The following MLLT6 variants were observed in gnomAD, a reference collection of about 807,000 sequenced individuals.
The protein encoded by MLLT6 is MLLT6, PHD finger containing.
In MLLT6, 22 loss-of-function variants were observed where a neutral mutation model predicts 103.0. The ratio of observed to expected loss-of-function variants is 0.21; its 90% CI spans 0.15 to 0.31. The LOEUF is 0.31. Among genes scored for constraint, MLLT6 ranks in the 10% least tolerant of loss-of-function variants. The pLI, the probability that MLLT6 is intolerant of heterozygous loss-of-function variation, is 1.00. For synonymous variants in MLLT6, 606 were observed against 623.5 expected (o/e 0.97, Z 0.42); for missense variants, 1,199 against 1,441.7 (o/e 0.83, Z 2.73).
At chr17:38,717,134 C>T (rs1451865052) in intron 10 of MLLT6, among the ~76,000 whole-genome samples, 153 bp downstream of exon 10, 3 of 152,220 alleles carry the variant, frequency 2.0e-5, no homozygotes, top group Non-Finnish European at 4.4e-5. Context: ...TCCCCCTCTG[C>T]ATGCGTGGAG....
At position 38,725,839 on chromosome 17, in the gene MLLT6, A is replaced by T. The variant is rs148900184; in HGVS notation, c.*241A>T. 2,079 of 491,256 alleles carry T rather than the reference A, an allele frequency of 4.2e-3. 54 individuals carry two copies. Among genetic ancestry groups the T allele is most frequent in the African/African-American group, 0.038 (1,888 of 49,306 alleles). 30.4% of individuals were successfully genotyped at this position (491,256 alleles called of 1,614,324 possible). On this transcript the variant is annotated 3_prime_UTR_variant, in exon 20 of 20. Transcript: ENST00000621332. ...GCTTTGTGAGGCTCAGAGGAAGGAC[A>T]GTCTGCAAGCCCGCCTAGGAGGTCC...
At chr17:38,722,888 C>A (rs1308411296) in intron 18 of MLLT6, 120 bp downstream of exon 18, 7 of 771,172 alleles carry the variant, frequency 9.1e-6, no homozygotes, top group East Asian at 7.9e-5. Flanking sequence ...AAGCTCTAGG[C>A]TGGGCCTGTG....
chr17:38,709,349 G>A lies in MLLT6; in HGVS notation c.458+73G>A. On this transcript the variant is annotated intron_variant, in intron 5 of 19. Coordinates refer to ENST00000621332, the MANE Select transcript of MLLT6 (RefSeq NM_005937.4). The surrounding 1 kb of genome is among the most constrained non-coding windows in gnomAD (Gnocchi z 4.3). ...GCCACTGATCAGGCTCATCCTAGCT[G>A]CTGTCCCTTTGATGGTGGTGGCAAT... 6.9e-7 allele frequency: 1 copy of A among 1,440,022 alleles called. No individual in the cohort carries two copies. The allele number at this position is 1,440,022 out of a possible 1,614,324, so 89.2% of individuals were successfully genotyped here. A position where few individuals can be genotyped will look rare whatever the true frequency, so the allele number is the denominator to read the frequency against.
At chr17:38,722,894 C>T in intron 18 of MLLT6, 126 bp downstream of exon 18, 3 of 732,142 alleles carry the variant, frequency 4.1e-6, no homozygotes, top group Non-Finnish European at 7.1e-6. Flanking sequence ...TAGGCTGGGC[C>T]TGTGGGACTG....
At chr17:38,717,711 A>G in intron 11 of MLLT6, 98 bp downstream of exon 11, 1 of 1,451,256 alleles carries the variant, frequency 6.9e-7, no homozygotes, top group Non-Finnish European at 9.6e-7. Flanking sequence ...AACTGGGCTG[A>G]GTTGCCATCA....
Position 38,712,799 on chromosome 17 carries a change from C to T in MLLT6, c.819+10C>T, listed in dbSNP as rs761779498. 3.2e-5 allele frequency: 52 copies of T among 1,602,270 alleles called. No individual in the cohort carries two copies. Among genetic ancestry groups the T allele is most frequent in the Non-Finnish European group, 4.3e-5 (50 of 1,169,754 alleles). On this transcript the variant is annotated intron_variant, in intron 8 of 19. Transcript: ENST00000621332. Reference sequence around the variant, plus strand: ...CCCCACTGCTGACAAGGTACTGCTGCCCACCTTCAGGAGGGATGGTGTGTG... The same window carrying T: ...CCCCACTGCTGACAAGGTACTGCTGTCCACCTTCAGGAGGGATGGTGTGTG...
chr17:38,709,818 T>C lies in MLLT6; in HGVS notation c.552+243T>C, dbSNP rs993935284. Among the ~76,000 whole-genome samples the C allele has an allele frequency of 6.6e-6, 1 of 152,218 alleles. No homozygotes were observed. The highest frequency in any genetic ancestry group is 1.5e-5 in the Non-Finnish European group (1 of 68,026). ...AGCTCAGACCCTGCCTGTCAGAGTC[T>C]AGGAGGCTTCAAGGAAGAGGTAGCA... On this transcript the variant is annotated intron_variant, in intron 6 of 19. Transcript: ENST00000621332. The surrounding 1 kb of genome is among the most constrained non-coding windows in gnomAD (Gnocchi z 4.3).
At position 38,705,291 on chromosome 17, in the gene MLLT6, C is replaced by T. The variant is rs1437237593; in HGVS notation, c.-342C>T. ...GCGATGTGCCACTCGGCGCCTCCCC[C>T]GCCGGGCTCGGGCTACGCGGCGGCG... On this transcript the variant is annotated 5_prime_UTR_variant, in exon 1 of 20. Transcript: ENST00000621332. 4.8e-5 allele frequency among the ~76,000 whole-genome samples: 7 copies of T among 144,926 alleles called. No homozygotes were observed. The highest frequency in any genetic ancestry group is 1.5e-4 in the African/African-American group (6 of 39,904).
intron 8 of MLLT6, chr17:38,714,614 C>T (rs1905251468): frequency 6.6e-6 from 1 of 152,248 alleles, no homozygotes; most frequent in African/African-American, 2.4e-5. Flanking sequence ...TGGCTGGTGC[C>T]TGTAATCCCA....
At chr17:38,711,393 T>C (rs935592186) in intron 6 of MLLT6, among the ~76,000 whole-genome samples, 1 of 151,986 alleles carries the variant, frequency 6.6e-6, no homozygotes, top group Non-Finnish European at 1.5e-5. Context: ...AAGAGGGTGA[T>C]AGCTGAGCCA....
At chr17:38,719,282 A>G (rs937773320) in intron 12 of MLLT6, 5 of 549,436 alleles carry the variant, frequency 9.1e-6, no homozygotes, top group African/African-American at 5.8e-5. Flanking sequence ...AAGAAGCCAG[A>G]CAGTGGAGCC....
In MLLT6 at chr17:38,720,574, G is replaced by T. The variant is rs1430520191; in HGVS notation, c.2353+5G>T. ...CCTATGGCCTGCCTCCCCAAGGTGA[G>T]GGGATCCTGCCCAGCCCGGGAGAGA... is the stretch of plus-strand genomic sequence containing the variant. On this transcript the variant is annotated splice_donor_5th_base_variant and intron_variant, in intron 15 of 19. Transcript: ENST00000621332. 6.2e-7 allele frequency: 1 copy of T among 1,612,282 alleles called. No homozygotes were observed. Among genetic ancestry groups the T allele is most frequent in the Non-Finnish European group, 8.5e-7 (1 of 1,179,710 alleles).
Position 38,722,174 on chromosome 17 carries a change from C to T in MLLT6, c.2739C>T (p.Ser913=), listed in dbSNP as rs945451976. 7 of 1,369,278 alleles carry T rather than the reference C, an allele frequency of 5.1e-6. No individual in the cohort carries two copies. The highest frequency in any genetic ancestry group is 6.6e-6 in the Non-Finnish European group (7 of 1,066,642). The allele number at this position is 1,369,278 out of a possible 1,614,324, so 84.8% of individuals were successfully genotyped here. A position where few individuals can be genotyped will look rare whatever the true frequency, so the allele number is the denominator to read the frequency against. Residue 913 remains serine (S), a synonymous_variant, in exon 17 of 20, where the codon AGC becomes AGT. Transcript: ENST00000621332. ...GGGCCGCTGCCCCCAACCCCGCAAG[C>T]TTGAGCCAGGCTGGCGGGGCCCCCA... The part of the protein sequence containing the change: ...LNGAAAPNPA[S]LSQAGGAPTL...
chr17:38,720,300 G>GA, intron 14 of MLLT6, 72 bp from the exon 15 acceptor site: 1 of 726,392 alleles, frequency 1.4e-6, no homozygotes, highest in Non-Finnish European at 2.2e-6. Context: ...TCCCCTCCAG[G>GA]CCCCGCCCCC....
intron 19 of MLLT6, 38 bp from the exon 20 acceptor site, chr17:38,725,519 A>C (rs776485843): frequency 1.9e-6 from 3 of 1,599,374 alleles, no homozygotes; most frequent in Non-Finnish European, 2.6e-6. Flanking sequence ...AGGACCTGAC[A>C]CTTTCCACAC....
chr17:38,719,929 C>T, intron 14 of MLLT6, 34 bp downstream of exon 14: 2 of 1,536,974 alleles, frequency 1.3e-6, no homozygotes, highest in South Asian at 2.4e-5. Context: ...GGACGCCTGC[C>T]CTAGGGCCCT....
At chr17:38,714,268 T>G (rs1321808649) in intron 8 of MLLT6, 1 of 152,210 alleles carries the variant, frequency 6.6e-6, no homozygotes, top group East Asian at 1.9e-4. Flanking sequence ...GCTTGAAGGC[T>G]TGTGCTCTTC....
Position 38,722,752 on chromosome 17 carries a change from C to T in MLLT6, c.2867C>T (p.Ser956Phe). ...CAGCAACTCCAGCAGCTCCTGGCCT[C>T]CCCGCAGCTGACCCCGGTAATGCCC... ...QLQQLQQLLASPQLTPEHQTV... is the reference protein window; with the variant it reads ...QLQQLQQLLAFPQLTPEHQTV... The change falls in exon 18 of 20, where the codon TCC becomes TTC. Residue 956 changes from serine (S) to phenylalanine (F), a missense_variant. Physicochemically the swap from Ser to Phe is radical, Grantham distance 155. This residue lies in a region of MLLT6 where 1,034 missense variants were observed against 1,091.5 expected (regional missense o/e 0.95). Coordinates refer to ENST00000621332, the MANE Select transcript of MLLT6 (RefSeq NM_005937.4). The T allele has an allele frequency of 6.2e-7, 1 of 1,607,502 alleles. No homozygotes were observed. Among genetic ancestry groups the T allele is most frequent in the Non-Finnish European group, 8.5e-7 (1 of 1,176,160 alleles).
chr17:38,707,688 C>T lies in MLLT6; in HGVS notation c.245-75C>T, dbSNP rs575333681. The stretch of plus-strand genomic sequence containing the variant: ...GGAAGGCTGTGGAGGAGGGAACAGT[C>T]TGCAGCGTGGGGTCATAAGGGGTGG... On this transcript the variant is annotated intron_variant, in intron 3 of 19. Coordinates refer to ENST00000621332, the MANE Select transcript of MLLT6 (RefSeq NM_005937.4). The T allele has an allele frequency of 3.3e-5, 40 of 1,223,178 alleles. No individual in the cohort carries two copies. In the East Asian group the frequency reaches 4.0e-4, roughly 12 times the overall value. 75.8% of individuals were successfully genotyped at this position (1,223,178 alleles called of 1,614,324 possible). A position where few individuals can be genotyped will look rare whatever the true frequency, so the allele number is the denominator to read the frequency against.
Sources: allele counts gnomAD v4.1 joint callset (sites outside exome capture counted in the v4.1 genomes callset), GRCh38; gene constraint gnomAD v4.1.1; regional missense constraint gnomAD v4.1.1; non-coding constraint Gnocchi (gnomAD v3.1); transcripts MANE v1.5; gene names NCBI Gene and HGNC (gene_info 2026-07-23, HGNC 2026-07-21).